CFAP206: variants seen among roughly 807,000 people sequenced by gnomAD.
The protein encoded by CFAP206 is cilia and flagella associated protein 206.
CFAP206 carries 53 observed loss-of-function variants against 65.4 expected under a neutral mutation model. The observed-to-expected ratio is 0.81, with a 90% CI of 0.65 to 1.02. CFAP206 has a LOEUF of 1.02. Among genes scored for constraint, CFAP206 ranks in the 50% least tolerant of loss-of-function variants. The pLI, the probability that CFAP206 is intolerant of heterozygous loss-of-function variation, is 0.00. For missense variants in CFAP206, 663 were observed against 753.2 expected (o/e 0.88, Z 1.40); for synonymous variants, 250 against 254.4 (o/e 0.98, Z 0.17).
intron 12 of CFAP206, 66 bp from the exon 13 acceptor site, chr6:87,463,954 C>A: frequency 7.8e-7 from 1 of 1,280,398 alleles, no homozygotes; most frequent in South Asian, 1.6e-5. Flanking sequence ...TAACTGGTAT[C>A]TGATAATATT....
At chr6:87,441,827 CT>C in intron 11 of CFAP206, 1 of 268,930 alleles carries the variant, frequency 3.7e-6, no homozygotes, top group Non-Finnish European at 7.5e-6. Flanking sequence ...ATAAGAGAAG[CT>C]TTTCATTGAG....
intron 11 of CFAP206, among the ~76,000 whole-genome samples, chr6:87,439,679 T>C (rs1434289299): frequency 6.6e-6 from 1 of 152,102 alleles, no homozygotes; most frequent in East Asian, 1.9e-4. Context: ...TTGTCTATTA[T>C]GTAGAGCCTT....
chr6:87,450,234 TG>T (rs1768516646), intron 11 of CFAP206, among the ~76,000 whole-genome samples: 1 of 152,234 alleles, frequency 6.6e-6, no homozygotes, highest in African/African-American at 2.4e-5. Flanking sequence ...TAGCATATTT[TG>T]AAGTCAGGTA....
At chr6:87,427,661 C>G (rs1768069624) in intron 8 of CFAP206, among the ~76,000 whole-genome samples, 1 of 152,046 alleles carries the variant, frequency 6.6e-6, no homozygotes, top group Admixed American at 6.6e-5. Context: ...AAAACATGGC[C>G]CAAGATATAT....
chr6:87,415,983 GA>G (rs34892535), intron 5 of CFAP206, 109 bp downstream of exon 5: 108,426 of 522,614 alleles, frequency 0.21, 1,147 homozygotes, highest in African/African-American at 0.27. Flanking sequence ...CTTTTTATCT[GA>G]AAAAAAAAAA....
chr6:87,438,282 G>A (rs1409421061), intron 11 of CFAP206, among the ~76,000 whole-genome samples: 1 of 151,924 alleles, frequency 6.6e-6, no homozygotes, highest in Non-Finnish European at 1.5e-5. Context: ...CCAACATGGT[G>A]AAAATCTGTC....
chr6:87,419,342 G>A (rs1767899386), intron 7 of CFAP206, among the ~76,000 whole-genome samples: 1 of 152,068 alleles, frequency 6.6e-6, no homozygotes, highest in Non-Finnish European at 1.5e-5. Flanking sequence ...TGAAAAATAT[G>A]GTAAAGTGGT....
chr6:87,414,489 G>T (rs559662544), intron 4 of CFAP206, among the ~76,000 whole-genome samples: 2 of 152,110 alleles, frequency 1.3e-5, no homozygotes, highest in South Asian at 4.2e-4. Flanking sequence ...GTAGAGACGG[G>T]ATTTCACCAT....
intron 11 of CFAP206, among the ~76,000 whole-genome samples, chr6:87,437,820 G>A (rs1768299630): frequency 1.4e-5 from 2 of 143,966 alleles, no homozygotes; most frequent in South Asian, 4.4e-4. Context: ...AACCATGCCT[G>A]GCTAATTTTT....
chr6:87,419,092 G>A (rs1187997625), intron 7 of CFAP206, among the ~76,000 whole-genome samples: 2 of 133,584 alleles, frequency 1.5e-5, no homozygotes, highest in African/African-American at 6.0e-5. Context: ...GACAGAGGGA[G>A]ACCCTGACCC....
At position 87,461,102 on chromosome 6, in the gene CFAP206, A is replaced by G. The variant is rs1194041739; in HGVS notation, c.1575A>G (p.Pro525=). ...CACAGACGAATACACACATACTGCC[A>G]CCAACGATTGTGAGATCATATGAGT... ...SSTQTNTHIL[P]PTIVRSYEWN... The change falls in exon 12 of 13, where the codon CCA becomes CCG. Residue 525 remains proline (P), a synonymous_variant. Transcript: ENST00000369562. 6.3e-7 allele frequency: 1 copy of G among 1,593,426 alleles called. No individual in the cohort carries two copies. Among genetic ancestry groups the G allele is most frequent in the South Asian group, 1.2e-5 (1 of 86,840 alleles).
chr6:87,423,085 T>A (rs1171989392), intron 7 of CFAP206, among the ~76,000 whole-genome samples: 1 of 151,446 alleles, frequency 6.6e-6, no homozygotes, highest in Non-Finnish European at 1.5e-5. Flanking sequence ...CCTGGCTAAT[T>A]TTTTTGTATT....
At chr6:87,431,208 C>G in intron 10 of CFAP206, 35 bp downstream of exon 10, 1 of 1,585,824 alleles carries the variant, frequency 6.3e-7, no homozygotes, top group Non-Finnish European at 8.6e-7. Context: ...TCTCCTTTCC[C>G]CGATTTTTTC....
At chr6:87,457,697 C>G (rs977056634) in intron 11 of CFAP206, among the ~76,000 whole-genome samples, 1 of 152,168 alleles carries the variant, frequency 6.6e-6, no homozygotes, top group African/African-American at 2.4e-5. Flanking sequence ...AATCTGAGAC[C>G]TCAAACTATG....
At chr6:87,460,916 A>G in intron 11 of CFAP206, 106 bp from the exon 12 acceptor site, 1 of 932,608 alleles carries the variant, frequency 1.1e-6, no homozygotes, top group Non-Finnish European at 1.6e-6. Context: ...CATGTCCAAA[A>G]ATTATTGTTT....
At position 87,421,941 on chromosome 6, in the gene CFAP206, A is replaced by C. The variant is rs565418688; in HGVS notation, c.840+3525A>C. On this transcript the variant is annotated intron_variant, in intron 7 of 12. Transcript: ENST00000369562. ...AAGAACATTAAACATCAGAGATTCCATTCTAATTTCTGCTTCTATAAGTTT... is the reference window on the plus strand; with the variant it reads ...AAGAACATTAAACATCAGAGATTCCCTTCTAATTTCTGCTTCTATAAGTTT... Among the ~76,000 whole-genome samples, 218 of 152,338 alleles carry C rather than the reference A, an allele frequency of 1.4e-3. 2 individuals are homozygous for C. Among genetic ancestry groups the C allele is most frequent in the Non-Finnish European group, 1.6e-3 (112 of 68,038 alleles).
At position 87,413,816 on chromosome 6, in the gene CFAP206, A is replaced by G. The variant is rs762359523; in HGVS notation, c.199A>G (p.Met67Val). 4.5e-6 allele frequency: 7 copies of G among 1,556,250 alleles called. No individual in the cohort carries two copies. Among genetic ancestry groups the G allele is most frequent in the African/African-American group, 1.4e-5 (1 of 71,922 alleles). The stretch of plus-strand genomic sequence containing the variant: ...ATGGGACATTCTTTTCTAGCTTTGT[A>G]TGACTCGGCTATTGGATACTAAAAA... ...SDVQNLVKLC[M>V]TRLLDTKNPS... The change falls in exon 4 of 13, where the codon ATG becomes GTG. Residue 67 changes from methionine to valine, a missense_variant. Met to Val is a conservative substitution (Grantham distance 21, BLOSUM62 1). Coordinates refer to ENST00000369562, the MANE Select transcript of CFAP206 (RefSeq NM_001031743.3).
At chr6:87,452,778 G>A (rs1768567776) in intron 11 of CFAP206, among the ~76,000 whole-genome samples, 1 of 151,908 alleles carries the variant, frequency 6.6e-6, no homozygotes, top group Non-Finnish European at 1.5e-5. Context: ...AAAATACATA[G>A]TCAGAGGAGT....
chr6:87,410,793 G>A, intron 3 of CFAP206, 125 bp downstream of exon 3: 3 of 731,090 alleles, frequency 4.1e-6, no homozygotes, highest in Non-Finnish European at 6.9e-6. Flanking sequence ...GTATACACGA[G>A]ATATTTTTCT....
Sources: allele counts gnomAD v4.1 joint callset (sites outside exome capture counted in the v4.1 genomes callset), GRCh38; gene constraint gnomAD v4.1.1; transcripts MANE v1.5; gene names NCBI Gene and HGNC (gene_info 2026-07-23, HGNC 2026-07-21).